RSBN1L: variants seen among roughly 807,000 people sequenced by gnomAD.
RSBN1L encodes round spermatid basic protein 1 like.
A neutral mutation model predicts 67.7 loss-of-function variants in RSBN1L; 30 were observed. That is an observed-to-expected ratio of 0.44 (90% confidence interval 0.33 to 0.60). The LOEUF is 0.60. RSBN1L is among the 20% of genes least tolerant of loss of function. RSBN1L has a pLI of 0.02. For synonymous variants in RSBN1L, 433 were observed against 387.0 expected, an observed-to-expected ratio of 1.12 and a Z score of -1.39; for missense variants, 992 against 1,031.7, an observed-to-expected ratio of 0.96 and a Z score of 0.53.
chr7:77,749,418 C>A lies in RSBN1L; in HGVS notation c.704-6C>A. ...ATGGAGTTTCAAAAAACATTTTTTC[C>A]AACAGGTGGGAAGGAGAAACCAAAA... On this transcript the variant is annotated splice_region_variant and splice_polypyrimidine_tract_variant and intron_variant, in intron 2 of 7. Transcript: ENST00000334955. 1.3e-6 allele frequency: 2 copies of A among 1,520,680 alleles called. No individual in the cohort carries two copies. The highest frequency in any genetic ancestry group is 2.4e-5 in the Admixed American group (1 of 41,874). The allele number at this position is 1,520,680 out of a possible 1,614,324, so 94.2% of individuals were successfully genotyped here. A position where few individuals can be genotyped will look rare whatever the true frequency, so the allele number is the denominator to read the frequency against.
At chr7:77,697,621 C>T (rs974041097) in intron 1 of RSBN1L, among the ~76,000 whole-genome samples, 3 of 152,110 alleles carry the variant, frequency 2.0e-5, no homozygotes, top group African/African-American at 7.2e-5. Flanking sequence ...GTAAGGTACC[C>T]TCCCTGCACC....
At chr7:77,733,027 C>G (rs1045176400) in intron 1 of RSBN1L, among the ~76,000 whole-genome samples, 6 of 152,106 alleles carry the variant, frequency 3.9e-5, no homozygotes, top group African/African-American at 1.4e-4. Context: ...GGCGTGGTGG[C>G]TTAGGCCTGC....
rs1236964307 is a variant in RSBN1L at position 77,779,024 on chromosome 7, G to A, written c.2397G>A (p.Lys799=). ...ATCATGTTCAATTTGCAGAATTTAAGATTGACATGGATTCTAAATTTGAAA... is the reference window on the plus strand; with the variant it reads ...ATCATGTTCAATTTGCAGAATTTAAAATTGACATGGATTCTAAATTTGAAA... ...KLDHVQFAEF[K]IDMDSKFENS... The change falls in exon 8 of 8, where the codon AAG becomes AAA. Residue 799 remains lysine, a synonymous_variant. Transcript: ENST00000334955. The A allele has an allele frequency of 6.2e-7, 1 of 1,613,986 alleles. No individual in the cohort carries two copies. The highest frequency in any genetic ancestry group is 8.5e-7 in the Non-Finnish European group (1 of 1,179,964).
At chr7:77,722,629 G>T (rs1172336777) in intron 1 of RSBN1L, among the ~76,000 whole-genome samples, 3 of 151,912 alleles carry the variant, frequency 2.0e-5, no homozygotes, top group African/African-American at 7.3e-5. Context: ...TTATTTTAGT[G>T]TATGTAATTG....
In RSBN1L at chr7:77,696,861, C is replaced by T. The variant is rs191280536; in HGVS notation, c.392C>T (p.Pro131Leu). 1.9e-6 allele frequency: 3 copies of T among 1,611,962 alleles called. No individual in the cohort carries two copies. The highest frequency in any genetic ancestry group is 1.1e-5 in the South Asian group (1 of 91,078). ...SQPVPRKLLVPPTLLHAQPHH... is the reference protein window; with the variant it reads ...SQPVPRKLLVLPTLLHAQPHH... The stretch of plus-strand genomic sequence containing the variant: ...CCGGTGCCGCGCAAACTGCTGGTCC[C>T]TCCTACGCTGCTGCACGCTCAGCCT... The change falls in exon 1 of 8, where the codon CCT (proline) becomes CTT (leucine). Residue 131 changes from proline (P) to leucine (L), a missense_variant. Transcript: ENST00000334955.
intron 1 of RSBN1L, among the ~76,000 whole-genome samples, chr7:77,728,230 A>G (rs906286588): frequency 6.6e-6 from 1 of 152,102 alleles, no homozygotes; most frequent in African/African-American, 2.4e-5. Flanking sequence ...GACAGCATGC[A>G]TGTGTGGTAA....
At chr7:77,752,132 G>T (rs1032181846) in intron 3 of RSBN1L, among the ~76,000 whole-genome samples, 4 of 152,198 alleles carry the variant, frequency 2.6e-5, no homozygotes, top group African/African-American at 9.7e-5. Flanking sequence ...GGCAGTGTGT[G>T]CCTGGGATGT....
chr7:77,772,119 G>A (rs1382875052), intron 5 of RSBN1L, among the ~76,000 whole-genome samples: 2 of 152,150 alleles, frequency 1.3e-5, no homozygotes, highest in Non-Finnish European at 2.9e-5. Flanking sequence ...TCCAGAGGAA[G>A]CAACACCATC....
intron 1 of RSBN1L, among the ~76,000 whole-genome samples, chr7:77,733,308 A>G (rs927099801): frequency 6.6e-6 from 1 of 152,194 alleles, no homozygotes; most frequent in Non-Finnish European, 1.5e-5. Context: ...GTTTATGTAT[A>G]GATGGGATTA....
At chr7:77,740,985 C>CT (rs869081974) in intron 2 of RSBN1L, among the ~76,000 whole-genome samples, 2,474 of 102,884 alleles carry the variant, frequency 0.024, 35 homozygotes, top group South Asian at 0.047. Context: ...CTTTTCTTTT[C>CT]TTTTTTTTTT....
At chr7:77,707,599 A>G (rs1297666708) in intron 1 of RSBN1L, among the ~76,000 whole-genome samples, 1 of 152,210 alleles carries the variant, frequency 6.6e-6, no homozygotes, top group Non-Finnish European at 1.5e-5. Context: ...ATGTCCTGGG[A>G]TAATATTCTG....
At chr7:77,756,197 T>C (rs1413861738) in intron 3 of RSBN1L, among the ~76,000 whole-genome samples, 1 of 151,990 alleles carries the variant, frequency 6.6e-6, no homozygotes, top group African/African-American at 2.4e-5. Flanking sequence ...AGTGGCATGA[T>C]CTCAGTTCAC....
chr7:77,702,645 A>C (rs1790833762), intron 1 of RSBN1L, among the ~76,000 whole-genome samples: 1 of 152,030 alleles, frequency 6.6e-6, no homozygotes, highest in African/African-American at 2.4e-5. Flanking sequence ...TGGAGAGAGG[A>C]GGGGTGTCTT....
At chr7:77,748,913 GTCTC>G (rs1015544385) in intron 2 of RSBN1L, among the ~76,000 whole-genome samples, 17 of 135,212 alleles carry the variant, frequency 1.3e-4, no homozygotes, top group Non-Finnish European at 1.9e-4. Flanking sequence ...CTGTCTGTCT[GTCTC>G]TCTCTTTCTC....
intron 2 of RSBN1L, among the ~76,000 whole-genome samples, chr7:77,745,527 A>C (rs1456900333): frequency 6.6e-6 from 1 of 152,182 alleles, no homozygotes; most frequent in Non-Finnish European, 1.5e-5. Flanking sequence ...TAACTTTTGT[A>C]ACATATGACT....
chr7:77,722,281 C>T (rs929516237), intron 1 of RSBN1L, among the ~76,000 whole-genome samples: 1 of 152,048 alleles, frequency 6.6e-6, no homozygotes, highest in Non-Finnish European at 1.5e-5. Flanking sequence ...TAGTTTACAT[C>T]ATGTGAGTGC....
At chr7:77,733,996 G>A (rs993610030) in intron 1 of RSBN1L, among the ~76,000 whole-genome samples, 6 of 152,170 alleles carry the variant, frequency 3.9e-5, no homozygotes, top group Non-Finnish European at 7.4e-5. Context: ...GTGCGATGGC[G>A]TGTGCCTGTA....
chr7:77,703,783 C>T lies in RSBN1L; in HGVS notation c.586+6728C>T, dbSNP rs545545127. Among the ~76,000 whole-genome samples the T allele has an allele frequency of 4.6e-5, 7 of 151,838 alleles. No individual in the cohort carries two copies. In the South Asian group the frequency reaches 6.2e-4, roughly 14 times the overall value. On this transcript the variant is annotated intron_variant, in intron 1 of 7. Transcript: ENST00000334955. ...GATTACAGGCGTGAGCCACCGCGCT[C>T]GGCCTATTTGGGTATATTTTTAAGA...
chr7:77,708,223 G>A (rs928383196), intron 1 of RSBN1L, among the ~76,000 whole-genome samples: 9 of 151,994 alleles, frequency 5.9e-5, no homozygotes, highest in African/African-American at 2.2e-4. Flanking sequence ...GGGTGGGATG[G>A]TGTGAATAAG....
Sources: gnomAD v4.1 joint callset for allele counts (sites outside exome capture counted in the v4.1 genomes callset) on GRCh38, gnomAD v4.1.1 for gene constraint, MANE v1.5 for transcripts, NCBI Gene and HGNC (gene_info 2026-07-23, HGNC 2026-07-21) for gene names.